Variants in WWC2 observed in about 807,000 individuals in gnomAD.
WWC2 encodes protein WWC2.
A neutral mutation model predicts 138.5 loss-of-function variants in WWC2; 101 were observed. The ratio of observed to expected loss-of-function variants is 0.73; its 90% CI spans 0.62 to 0.86. WWC2 has a LOEUF of 0.86. Among genes scored for constraint, WWC2 ranks in the 40% least tolerant of loss-of-function variants. WWC2 has a pLI of 0.00. For synonymous variants in WWC2, 558 were observed against 538.4 expected (o/e 1.04, Z -0.50); for missense variants, 1,420 against 1,419.4 (o/e 1.00, Z -0.01).
At chr4:183,275,033 C>A (rs1737805009) in intron 16 of WWC2, among the ~76,000 whole-genome samples, 1 of 152,122 alleles carries the variant, frequency 6.6e-6, no homozygotes, top group Admixed American at 6.5e-5. Flanking sequence ...GCTTCTCTAA[C>A]TGTAACTTGA....
rs988475189 is a variant in WWC2 at position 183,217,740 on chromosome 4, A to G, written c.522+8715A>G. Among the ~76,000 whole-genome samples the G allele has an allele frequency of 4.6e-5, 7 of 152,318 alleles. 1 individual carries two copies. Among genetic ancestry groups the G allele is most frequent in the Admixed American group, 2.6e-4 (4 of 15,300 alleles). On this transcript the variant is annotated intron_variant, in intron 4 of 22. Coordinates refer to ENST00000403733, the MANE Select transcript of WWC2 (RefSeq NM_024949.6). ...AAACTACCGAAAATGAATTACACAG[A>G]GAAAACAAAGTCTGGTAAAAATTTA... is the stretch of plus-strand genomic sequence containing the variant.
chr4:183,257,820 G>A (rs1455330653), intron 9 of WWC2, among the ~76,000 whole-genome samples: 1 of 152,170 alleles, frequency 6.6e-6, no homozygotes, highest in Admixed American at 6.5e-5. Flanking sequence ...ACACCAGCAA[G>A]AACGGAGGGA....
At chr4:183,113,480 C>CTCTGTGTGTGTGTG (rs939145377) in intron 1 of WWC2, among the ~76,000 whole-genome samples, 1 of 143,708 alleles carries the variant, frequency 7.0e-6, no homozygotes, top group South Asian at 2.3e-4. Context: ...AAGGTGGGGC[C>CTCTGTGTGTGTGTG]TGTGTGTGTG....
At chr4:183,197,848 C>T (rs999488795) in intron 2 of WWC2, among the ~76,000 whole-genome samples, 7 of 152,120 alleles carry the variant, frequency 4.6e-5, no homozygotes, top group Non-Finnish European at 8.8e-5. Context: ...AACTTGCCCC[C>T]GCATCAAGGT....
At chr4:183,303,789 A>G (rs1738940426) in intron 21 of WWC2, among the ~76,000 whole-genome samples, 1 of 152,128 alleles carries the variant, frequency 6.6e-6, no homozygotes, top group African/African-American at 2.4e-5. Flanking sequence ...TAATGGAGTA[A>G]TATAAACAGT....
At position 183,280,921 on chromosome 4, in the gene WWC2, G is replaced by T. The variant is rs918238056; in HGVS notation, c.2684+24G>T. 2.6e-6 allele frequency: 4 copies of T among 1,543,950 alleles called. No homozygotes were observed. In the African/African-American group the frequency reaches 4.1e-5, roughly 16 times the overall value. ...TGGTTAAACACTTATTTCCTTTGCTGTTGGGAGCTCAAAGATGATGTGTTT... is the reference window on the plus strand; with the variant it reads ...TGGTTAAACACTTATTTCCTTTGCTTTTGGGAGCTCAAAGATGATGTGTTT... On this transcript the variant is annotated intron_variant, in intron 17 of 22. Transcript: ENST00000403733.
intron 21 of WWC2, among the ~76,000 whole-genome samples, chr4:183,298,515 A>G (rs1462909053): frequency 1.3e-5 from 2 of 152,168 alleles, no homozygotes; most frequent in Non-Finnish European, 2.9e-5. Context: ...CAGATCTTAG[A>G]TGCTGTTGTG....
intron 1 of WWC2, among the ~76,000 whole-genome samples, chr4:183,121,890 A>G (rs925079265): frequency 2.0e-5 from 3 of 148,970 alleles, no homozygotes; most frequent in Non-Finnish European, 3.0e-5. Context: ...GGTGCACACC[A>G]TTCTCCTGCC....
At chr4:183,218,066 A>G (rs1354677930) in intron 4 of WWC2, among the ~76,000 whole-genome samples, 3 of 152,192 alleles carry the variant, frequency 2.0e-5, no homozygotes, top group Admixed American at 2.0e-4. Flanking sequence ...CTCATCAGAA[A>G]TAATACAAAC....
chr4:183,229,433 G>C (rs1050819330), intron 4 of WWC2, among the ~76,000 whole-genome samples: 3 of 152,002 alleles, frequency 2.0e-5, no homozygotes, highest in African/African-American at 2.4e-5. Flanking sequence ...CTTTCTTCTT[G>C]AATTTGGGCT....
rs947206802 is a variant in WWC2, at chr4:183,099,419, C to T, written c.-73C>T. 2.5e-6 allele frequency: 3 copies of T among 1,183,376 alleles called. No individual in the cohort carries two copies. Among genetic ancestry groups the T allele is most frequent in the East Asian group, 7.7e-5 (2 of 25,840 alleles). The allele number at this position is 1,183,376 out of a possible 1,614,324, so 73.3% of individuals were successfully genotyped here. A position where few individuals can be genotyped will look rare whatever the true frequency, so the allele number is the denominator to read the frequency against. On this transcript the variant is annotated 5_prime_UTR_variant, in exon 1 of 23. Coordinates refer to ENST00000403733, the MANE Select transcript of WWC2 (RefSeq NM_024949.6). ...CGCGTCGCGGGTTGGCAGCCTAGCC[C>T]GGCAGCCGCGTTCCCGCCGCGTCCC...
At chr4:183,231,928 T>A (rs1736258532) in intron 4 of WWC2, among the ~76,000 whole-genome samples, 1 of 152,122 alleles carries the variant, frequency 6.6e-6, no homozygotes, top group Admixed American at 6.5e-5. Context: ...TGGGGGAGAA[T>A]CAGCGTACAT....
intron 1 of WWC2, among the ~76,000 whole-genome samples, chr4:183,179,634 G>A (rs1734565969): frequency 6.6e-6 from 1 of 152,056 alleles, no homozygotes; most frequent in East Asian, 1.9e-4. Context: ...TGATGATGGT[G>A]CCATTTTCCA....
intron 21 of WWC2, among the ~76,000 whole-genome samples, chr4:183,292,238 A>G (rs1240034315): frequency 6.6e-6 from 1 of 151,986 alleles, no homozygotes; most frequent in Non-Finnish European, 1.5e-5. Context: ...ATAAATGCAT[A>G]CACACAAACA....
chr4:183,106,349 T>C (rs2152886471), intron 1 of WWC2, among the ~76,000 whole-genome samples: 1 of 152,302 alleles, frequency 6.6e-6, no homozygotes, highest in Middle Eastern at 3.4e-3. Context: ...TTTATCAAAA[T>C]ATAGGTTCAC....
chr4:183,227,773 A>T (rs1332665435), intron 4 of WWC2, among the ~76,000 whole-genome samples: 1 of 152,070 alleles, frequency 6.6e-6, no homozygotes, highest in Non-Finnish European at 1.5e-5. Flanking sequence ...AATAACCATT[A>T]ACCAGAATGT....
At chr4:183,146,658 C>CT (rs981840845) in intron 1 of WWC2, among the ~76,000 whole-genome samples, 1 of 152,136 alleles carries the variant, frequency 6.6e-6, no homozygotes, top group Non-Finnish European at 1.5e-5. Context: ...TGGGTGGACA[C>CT]TAAGCCCTTT....
intron 6 of WWC2, among the ~76,000 whole-genome samples, chr4:183,247,041 C>T (rs533648876): frequency 1.3e-5 from 2 of 152,272 alleles, no homozygotes; most frequent in East Asian, 3.9e-4. Flanking sequence ...TTAGTAGATG[C>T]AGAGATTGAC....
chr4:183,103,185 C>T (rs1743234134), intron 1 of WWC2, among the ~76,000 whole-genome samples: 1 of 150,758 alleles, frequency 6.6e-6, no homozygotes, highest in Admixed American at 6.6e-5. Context: ...TACCTTCTAA[C>T]TGAATAAAAA....
Sources: allele counts gnomAD v4.1 joint callset (sites outside exome capture counted in the v4.1 genomes callset), GRCh38; gene constraint gnomAD v4.1.1; transcripts MANE v1.5; gene names NCBI Gene and HGNC (gene_info 2026-07-23, HGNC 2026-07-21).